The following KALRN variants were observed in gnomAD, a reference collection of about 807,000 sequenced individuals.
KALRN encodes kalirin.
Under a neutral mutation model 353.7 loss-of-function variants are expected in KALRN, and 70 were observed. The observed-to-expected ratio is 0.20, with a 90% CI of 0.16 to 0.24. The LOEUF (loss-of-function observed/expected upper bound fraction) is 0.24. KALRN is among the 10% of genes least tolerant of loss of function. The pLI is 1.00. For missense variants in KALRN, 2,791 were observed against 3,756.7 expected, an observed-to-expected ratio of 0.74 and a Z score of 6.72; for synonymous variants, 1,391 against 1,434.8, an observed-to-expected ratio of 0.97 and a Z score of 0.69.
intron 1 of KALRN, among the ~76,000 whole-genome samples, chr3:124,226,675 A>C (rs2078545292): frequency 6.6e-6 from 1 of 152,170 alleles, no homozygotes; most frequent in African/African-American, 2.4e-5. Context: ...TCACTTCCCT[A>C]GGCCAGTGAT....
chr3:124,342,985 C>T (rs1243054102), intron 9 of KALRN, among the ~76,000 whole-genome samples: 1 of 152,238 alleles, frequency 6.6e-6, no homozygotes, highest in Non-Finnish European at 1.5e-5. Context: ...GCCTCTCCAT[C>T]TCCCCCATAG....
intron 19 of KALRN, among the ~76,000 whole-genome samples, chr3:124,445,103 T>A (rs2093794498): frequency 6.6e-6 from 1 of 152,174 alleles, no homozygotes; most frequent in Admixed American, 6.5e-5. Context: ...ATCTGAACTC[T>A]GCCCTTTCCT....
At chr3:124,125,483 A>G (rs2064546700) in intron 1 of KALRN, among the ~76,000 whole-genome samples, 1 of 152,202 alleles carries the variant, frequency 6.6e-6, no homozygotes, top group South Asian at 2.1e-4. Context: ...AGCCTCCATG[A>G]GCTGGTGACC....
chr3:124,418,876 G>A (rs2092641729), intron 14 of KALRN, among the ~76,000 whole-genome samples: 1 of 152,086 alleles, frequency 6.6e-6, no homozygotes, highest in South Asian at 2.1e-4. Context: ...ACTAATGGTC[G>A]GGTCCCAGCC....
intron 45 of KALRN, among the ~76,000 whole-genome samples, chr3:124,663,837 C>T (rs747416861): frequency 6.6e-6 from 1 of 151,998 alleles, no homozygotes; most frequent in Non-Finnish European, 1.5e-5. Context: ...GAATAATTTA[C>T]GGGATAGTAT....
At chr3:124,625,351 A>C (rs1415001048) in intron 34 of KALRN, among the ~76,000 whole-genome samples, 1 of 152,214 alleles carries the variant, frequency 6.6e-6, no homozygotes, top group African/African-American at 2.4e-5. Flanking sequence ...AACTAAGTCC[A>C]ATCCACAGTG....
chr3:124,177,470 A>C (rs1376961391), intron 1 of KALRN, among the ~76,000 whole-genome samples: 1 of 152,208 alleles, frequency 6.6e-6, no homozygotes, highest in African/African-American at 2.4e-5. Flanking sequence ...CACCTGGAGA[A>C]GATGGACCAG....
At chr3:124,571,014 T>C (rs2110050499) in intron 34 of KALRN, among the ~76,000 whole-genome samples, 1 of 152,304 alleles carries the variant, frequency 6.6e-6, no homozygotes, top group East Asian at 1.9e-4. Flanking sequence ...GGCTAGAATA[T>C]TCCTCATATA....
intron 33 of KALRN, among the ~76,000 whole-genome samples, chr3:124,544,853 G>A (rs1296890998): frequency 6.6e-6 from 1 of 152,182 alleles, no homozygotes; most frequent in Non-Finnish European, 1.5e-5. Context: ...TGGAAACTGA[G>A]CTCAATCCTA....
intron 31 of KALRN, among the ~76,000 whole-genome samples, chr3:124,492,387 C>T (rs1485184550): frequency 6.6e-6 from 1 of 152,156 alleles, no homozygotes; most frequent in Non-Finnish European, 1.5e-5. Flanking sequence ...CCAGACCTCC[C>T]CAGGATCTAG....
intron 37 of KALRN, among the ~76,000 whole-genome samples, chr3:124,642,245 C>T (rs1361121279): frequency 3.9e-5 from 6 of 151,942 alleles, no homozygotes; most frequent in Non-Finnish European, 7.4e-5. Flanking sequence ...GATCGCGCCA[C>T]TGCACTCCAG....
At chr3:124,420,132 A>T (rs1203452161) in intron 14 of KALRN, among the ~76,000 whole-genome samples, 1 of 152,214 alleles carries the variant, frequency 6.6e-6, no homozygotes, top group East Asian at 1.9e-4. Context: ...GTCTTCATCC[A>T]TTTTATTTCC....
intron 34 of KALRN, among the ~76,000 whole-genome samples, chr3:124,604,003 T>A (rs183663967): frequency 2.5e-4 from 38 of 152,260 alleles, no homozygotes; most frequent in Admixed American, 2.4e-3. Context: ...CATGTGATTC[T>A]GTGTTGCATG....
intron 1 of KALRN, among the ~76,000 whole-genome samples, chr3:124,099,023 G>A (rs1296370612): frequency 1.3e-5 from 2 of 152,158 alleles, no homozygotes; most frequent in African/African-American, 2.4e-5. Flanking sequence ...GGGTACACGT[G>A]ATATTTTGTT....
intron 1 of KALRN, among the ~76,000 whole-genome samples, chr3:124,192,815 T>G (rs2075069471): frequency 6.6e-6 from 1 of 152,188 alleles, no homozygotes; most frequent in Non-Finnish European, 1.5e-5. Flanking sequence ...CTGACACCTT[T>G]TAATCTTGGA....
chr3:124,370,405 G>A (rs1015020176), intron 10 of KALRN, among the ~76,000 whole-genome samples: 1 of 152,170 alleles, frequency 6.6e-6, no homozygotes, highest in African/African-American at 2.4e-5. Context: ...AGCTTCTTGG[G>A]CATTTTCATG....
At chr3:124,588,645 T>C (rs1018416339) in intron 34 of KALRN, among the ~76,000 whole-genome samples, 1 of 151,004 alleles carries the variant, frequency 6.6e-6, no homozygotes, top group East Asian at 1.9e-4. Flanking sequence ...AGGCTGGTCT[T>C]GAACTCCTGA....
intron 1 of KALRN, among the ~76,000 whole-genome samples, chr3:124,090,619 A>T (rs1201936651): frequency 6.6e-6 from 1 of 151,936 alleles, no homozygotes; most frequent in African/African-American, 2.4e-5. Flanking sequence ...CTAATGGGGG[A>T]CTCAGAATCT....
chr3:124,591,067 G>T (rs1051044347), intron 34 of KALRN, among the ~76,000 whole-genome samples: 7 of 152,030 alleles, frequency 4.6e-5, no homozygotes, highest in African/African-American at 1.5e-4. Flanking sequence ...TTGATCTGTT[G>T]TTTCTGGGGG....
Sources: gnomAD v4.1 joint callset for allele counts (sites outside exome capture counted in the v4.1 genomes callset) on GRCh38, gnomAD v4.1.1 for gene constraint, MANE v1.5 for transcripts, NCBI Gene and HGNC (gene_info 2026-07-23, HGNC 2026-07-21) for gene names.